Variants in NRIP1 observed in about 807,000 individuals in gnomAD.
NRIP1 encodes the protein nuclear receptor-interacting protein 1.
A neutral mutation model predicts 75.0 loss-of-function variants in NRIP1; 28 were observed. The observed-to-expected ratio is 0.37, with a 90% CI of 0.28 to 0.51. The LOEUF (loss-of-function observed/expected upper bound fraction) is 0.51, where lower values mean the gene tolerates loss of function less well. NRIP1 is among the 20% of genes least tolerant of loss of function. The probability of loss-of-function intolerance (pLI) is 0.92; values close to 1 mark genes in which losing one functional copy is unlikely to be tolerated. For synonymous variants in NRIP1, 526 were observed against 487.6 expected, an observed-to-expected ratio of 1.08 and a Z score of -1.04; for missense variants, 1,435 against 1,343.7, an observed-to-expected ratio of 1.07 and a Z score of -1.06.
At chr21:15,017,780 T>C (rs117893422) in intron 2 of NRIP1, among the ~76,000 whole-genome samples, 1,918 of 152,330 alleles carry the variant, frequency 0.013, 19 homozygotes, top group Non-Finnish European at 0.021. Context: ...CATATGAACT[T>C]AATGAGCCTA....
intron 3 of NRIP1, among the ~76,000 whole-genome samples, chr21:14,982,879 T>A (rs1568956335): frequency 6.6e-6 from 1 of 152,132 alleles, no homozygotes; most frequent in Non-Finnish European, 1.5e-5. Flanking sequence ...TCTGCTACGG[T>A]GATGTGTGAT....
At chr21:15,025,132 G>A (rs1324097493) in intron 2 of NRIP1, among the ~76,000 whole-genome samples, 1 of 152,130 alleles carries the variant, frequency 6.6e-6, no homozygotes, top group Non-Finnish European at 1.5e-5. Flanking sequence ...AATCGATGTG[G>A]GGTGAGAACG....
Position 14,965,810 on chromosome 21 carries a change from A to G in NRIP1, c.2383T>C (p.Leu795=). The change falls in exon 4 of 4, where the codon TTA becomes CTA. Residue 795 remains leucine, a synonymous_variant. Coordinates refer to ENST00000318948, the MANE Select transcript of NRIP1 (RefSeq NM_003489.4). ...GATTTAAAGTCTTCGGACACTGGTA[A>G]GGCAGGTGCGCTTCTCTGCACAGCA... is the stretch of plus-strand genomic sequence containing the variant. The part of the protein sequence containing the change: ...APAVQRSAPA[L]PVSEDFKSEP... The G allele has an allele frequency of 6.2e-7, 1 of 1,614,028 alleles. No individual in the cohort carries two copies. The highest frequency in any genetic ancestry group is 8.5e-7 in the Non-Finnish European group (1 of 1,179,966).
chr21:14,990,631 T>C (rs2087543510), intron 3 of NRIP1, among the ~76,000 whole-genome samples: 2 of 152,318 alleles, frequency 1.3e-5, no homozygotes, highest in East Asian at 1.9e-4. Flanking sequence ...AAAGAGATGC[T>C]GGTGTTCAAG....
chr21:15,001,717 CT>C (rs35557044), intron 3 of NRIP1, among the ~76,000 whole-genome samples: 17,210 of 152,016 alleles, frequency 0.11, 1,828 homozygotes, highest in African/African-American at 0.28. Context: ...CACCTCTTTT[CT>C]TTTTTTCATG....
intron 2 of NRIP1, among the ~76,000 whole-genome samples, chr21:15,026,608 T>C (rs956251551): frequency 2.0e-5 from 3 of 152,196 alleles, no homozygotes; most frequent in Non-Finnish European, 4.4e-5. Flanking sequence ...GTCATACATA[T>C]GTGTGTAAAT....
chr21:15,010,209 A>T, intron 3 of NRIP1, among the ~76,000 whole-genome samples: 1 of 152,214 alleles, frequency 6.6e-6, no homozygotes, highest in East Asian at 1.9e-4. Flanking sequence ...TGCAAACCAC[A>T]GGCCACATGG....
intron 3 of NRIP1, among the ~76,000 whole-genome samples, chr21:15,004,766 C>G (rs1364873058): frequency 6.6e-6 from 1 of 152,128 alleles, no homozygotes; most frequent in Non-Finnish European, 1.5e-5. Flanking sequence ...AGTTGAGAAA[C>G]CTGAATGATA....
intron 2 of NRIP1, among the ~76,000 whole-genome samples, chr21:15,034,035 G>C (rs982676715): frequency 1.1e-4 from 16 of 152,072 alleles, no homozygotes; most frequent in Non-Finnish European, 4.4e-5. Flanking sequence ...ATGTTCCTAG[G>C]GTCATCTAGA....
chr21:15,035,271 A>G (rs985035934), intron 2 of NRIP1, among the ~76,000 whole-genome samples: 1 of 152,210 alleles, frequency 6.6e-6, no homozygotes, highest in African/African-American at 2.4e-5. Flanking sequence ...AAGAGAAAAC[A>G]GGAATCCTTA....
chr21:15,015,123 G>A (rs2088194889), intron 2 of NRIP1, among the ~76,000 whole-genome samples: 1 of 152,036 alleles, frequency 6.6e-6, no homozygotes, highest in South Asian at 2.1e-4. Context: ...AAATAAATAT[G>A]GATGAATCTC....
intron 3 of NRIP1, among the ~76,000 whole-genome samples, chr21:14,996,897 T>G (rs956141210): frequency 6.6e-6 from 1 of 151,778 alleles, no homozygotes; most frequent in Admixed American, 6.6e-5. Context: ...TGATATAATT[T>G]TTGAAAAATC....
rs527989183 is a variant in NRIP1, at chr21:14,971,146, T to C, written c.-334-2620A>G. 3.4e-4 allele frequency among the ~76,000 whole-genome samples: 52 copies of C among 152,338 alleles called. 1 individual carries two copies. In the South Asian group the frequency reaches 9.1e-3, roughly 27 times the overall value. On this transcript the variant is annotated intron_variant, in intron 3 of 3. Coordinates refer to ENST00000318948, the MANE Select transcript of NRIP1 (RefSeq NM_003489.4). ...TTTAACTTCAAGAACGAAAATGACATATACAAATAATTTTATTAAGCTCCT... is the reference window on the plus strand; with the variant it reads ...TTTAACTTCAAGAACGAAAATGACACATACAAATAATTTTATTAAGCTCCT...
chr21:14,991,612 C>T (rs548569808), intron 3 of NRIP1, among the ~76,000 whole-genome samples: 6 of 152,024 alleles, frequency 3.9e-5, no homozygotes, highest in Non-Finnish European at 7.4e-5. Flanking sequence ...CCCTATTACC[C>T]ACAAAAAGGG....
chr21:14,989,715 T>C (rs1252523477), intron 3 of NRIP1, among the ~76,000 whole-genome samples: 2 of 152,242 alleles, frequency 1.3e-5, no homozygotes, highest in African/African-American at 4.8e-5. Context: ...CAAATCTTTA[T>C]GTTCATATTA....
At chr21:14,980,793 G>T (rs898555928) in intron 3 of NRIP1, among the ~76,000 whole-genome samples, 5 of 151,862 alleles carry the variant, frequency 3.3e-5, no homozygotes, top group Non-Finnish European at 5.9e-5. Context: ...TCAATTAGTG[G>T]TTTTTCATAT....
intron 2 of NRIP1, among the ~76,000 whole-genome samples, chr21:15,019,524 T>A (rs2088320772): frequency 7.8e-6 from 1 of 128,408 alleles, no homozygotes; most frequent in East Asian, 2.7e-4. Flanking sequence ...AGTCTCACTC[T>A]GTCGCCCAAG....
intron 1 of NRIP1, among the ~76,000 whole-genome samples, chr21:15,047,403 G>A (rs1250514275): frequency 2.6e-5 from 4 of 152,166 alleles, no homozygotes; most frequent in Non-Finnish European, 4.4e-5. Context: ...AGCCAGGCGT[G>A]GTGGCGGGCG....
intron 3 of NRIP1, among the ~76,000 whole-genome samples, chr21:15,001,980 T>G (rs1421850649): frequency 1.3e-5 from 2 of 152,128 alleles, no homozygotes; most frequent in Admixed American, 6.5e-5. Flanking sequence ...CGGTGACGCT[T>G]TCAGTAAAAT....
Sources: gnomAD v4.1 joint callset for allele counts (sites outside exome capture counted in the v4.1 genomes callset) on GRCh38, gnomAD v4.1.1 for gene constraint, MANE v1.5 for transcripts, NCBI Gene and HGNC (gene_info 2026-07-23, HGNC 2026-07-21) for gene names.